The following UBXN7 variants were observed in gnomAD, a reference collection of about 807,000 sequenced individuals.
The protein encoded by UBXN7 is UBX domain-containing protein 7.
Under a neutral mutation model 58.0 loss-of-function variants are expected in UBXN7, and 9 were observed. The ratio of observed to expected loss-of-function variants is 0.16; its 90% confidence interval spans 0.09 to 0.27. UBXN7 has a LOEUF of 0.27. Ranked by LOEUF, UBXN7 falls within the 10% of genes least tolerant of loss-of-function variation. The pLI, the probability that UBXN7 is intolerant of heterozygous loss-of-function variation, is 1.00. For synonymous variants in UBXN7, 208 were observed against 205.0 expected (o/e 1.01, Z -0.12); for missense variants, 328 against 599.6 (o/e 0.55, Z 4.73).
intron 5 of UBXN7, among the ~76,000 whole-genome samples, chr3:196,377,480 G>A (rs893296479): frequency 3.3e-5 from 5 of 152,152 alleles, no homozygotes; most frequent in African/African-American, 1.2e-4. Flanking sequence ...AAACATATGT[G>A]GAACCTACGA....
chr3:196,358,569 C>T (rs1728415740), intron 10 of UBXN7, among the ~76,000 whole-genome samples: 1 of 152,124 alleles, frequency 6.6e-6, no homozygotes, highest in Non-Finnish European at 1.5e-5. Context: ...GAACCCTTCT[C>T]TACAAAAAAG....
At chr3:196,418,638 GC>G (rs1033495079) in intron 1 of UBXN7, among the ~76,000 whole-genome samples, 3 of 152,340 alleles carry the variant, frequency 2.0e-5, no homozygotes, top group African/African-American at 7.2e-5. Context: ...TGACTGAGAA[GC>G]ACTGAGAGGT....
chr3:196,367,366 TTAAG>T (rs565549487), intron 8 of UBXN7, among the ~76,000 whole-genome samples: 9 of 152,088 alleles, frequency 5.9e-5, no homozygotes, highest in Non-Finnish European at 1.0e-4. Flanking sequence ...ATTCTAGAAA[TTAAG>T]TATAGAAGTA....
At chr3:196,370,857 C>CAAAAAA in intron 6 of UBXN7, among the ~76,000 whole-genome samples, 1 of 86,336 alleles carries the variant, frequency 1.2e-5, no homozygotes, top group Non-Finnish European at 2.3e-5. Context: ...CCCATCTCTA[C>CAAAAAA]AAAAAAAAAA....
intron 3 of UBXN7, among the ~76,000 whole-genome samples, chr3:196,396,215 T>TCAA (rs1729765398): frequency 6.6e-6 from 1 of 150,586 alleles, no homozygotes; most frequent in South Asian, 2.1e-4. Flanking sequence ...CTATTTCAAA[T>TCAA]GTACATGGCC....
chr3:196,376,078 C>T (rs1354793599), intron 5 of UBXN7, among the ~76,000 whole-genome samples: 1 of 152,038 alleles, frequency 6.6e-6, no homozygotes, highest in Non-Finnish European at 1.5e-5. Flanking sequence ...TAATATGTTT[C>T]AGTAAGTATA....
intron 1 of UBXN7, among the ~76,000 whole-genome samples, chr3:196,418,925 C>G (rs1385016832): frequency 2.0e-5 from 3 of 152,168 alleles, no homozygotes; most frequent in African/African-American, 4.8e-5. Flanking sequence ...ATGCGAGAAC[C>G]TAACCTTTAG....
At chr3:196,417,724 T>TAAAAAA (rs749981900) in intron 1 of UBXN7, among the ~76,000 whole-genome samples, 1 of 31,652 alleles carries the variant, frequency 3.2e-5, no homozygotes, top group African/African-American at 1.2e-4. Flanking sequence ...GCAAAATGGT[T>TAAAAAA]AAAAAAAAAA....
chr3:196,371,773 G>T, intron 6 of UBXN7, 123 bp downstream of exon 6: 1 of 1,252,336 alleles, frequency 8.0e-7, no homozygotes, highest in Non-Finnish European at 1.1e-6. Context: ...GTGAGCTACT[G>T]CCCCCAGCCG....
At chr3:196,372,151 C>T (rs1170374204) in intron 5 of UBXN7, 109 bp from the exon 6 acceptor site, 3 of 1,219,150 alleles carry the variant, frequency 2.5e-6, no homozygotes, top group Non-Finnish European at 3.3e-6. Flanking sequence ...TAAGTTTTTG[C>T]CAGATACGAC....
intron 3 of UBXN7, among the ~76,000 whole-genome samples, chr3:196,396,818 G>C (rs565807133): frequency 1.3e-5 from 2 of 152,080 alleles, no homozygotes; most frequent in Non-Finnish European, 2.9e-5. Context: ...AGCTGCCTAA[G>C]AAAGTATATT....
intron 3 of UBXN7, among the ~76,000 whole-genome samples, chr3:196,395,655 A>G (rs1032313758): frequency 2.0e-5 from 3 of 151,958 alleles, no homozygotes; most frequent in Non-Finnish European, 2.9e-5. Flanking sequence ...CGGGCATGTC[A>G]CTATATCGCC....
chr3:196,358,409 T>G (rs1055073549), intron 10 of UBXN7, among the ~76,000 whole-genome samples: 1 of 152,182 alleles, frequency 6.6e-6, no homozygotes, highest in African/African-American at 2.4e-5. Context: ...CTTACGTGGC[T>G]TACCTAATTT....
At chr3:196,396,824 A>AT (rs1474186369) in intron 3 of UBXN7, among the ~76,000 whole-genome samples, 2 of 152,138 alleles carry the variant, frequency 1.3e-5, no homozygotes, top group African/African-American at 2.4e-5. Context: ...CTAAGAAAGT[A>AT]TATTATTTTA....
At chr3:196,413,805 T>C (rs144716623) in intron 1 of UBXN7, among the ~76,000 whole-genome samples, 1 of 152,296 alleles carries the variant, frequency 6.6e-6, no homozygotes, top group African/African-American at 2.4e-5. Flanking sequence ...AATTTGAGAA[T>C]GCTCAAGTTC....
intron 3 of UBXN7, among the ~76,000 whole-genome samples, chr3:196,402,102 A>C (rs1730013925): frequency 6.6e-6 from 1 of 152,192 alleles, no homozygotes; most frequent in Non-Finnish European, 1.5e-5. Flanking sequence ...GCTCACTGCA[A>C]CCTCAGCCTC....
At position 196,352,349 on chromosome 3, in the gene UBXN7, G is replaced by C. The variant is rs1251863620; in HGVS notation, c.*4336C>G. 1.3e-5 allele frequency: 2 copies of C among 152,230 alleles called. No individual in the cohort carries two copies. The highest frequency in any genetic ancestry group is 4.8e-5 in the African/African-American group (2 of 41,414). 9.4% of individuals were successfully genotyped at this position (152,230 alleles called of 1,614,324 possible). A position where few individuals can be genotyped will look rare whatever the true frequency, so the allele number is the denominator to read the frequency against. On this transcript the variant is annotated 3_prime_UTR_variant, in exon 11 of 11. Coordinates refer to ENST00000296328, the MANE Select transcript of UBXN7 (RefSeq NM_015562.2). The surrounding 1 kb of genome is among the most constrained non-coding windows in gnomAD (Gnocchi z 4.1). The stretch of plus-strand genomic sequence containing the variant: ...TGCAACCTCCGCCTCCCAGGTTCAA[G>C]AGATTCTTGTGCCTCAGCCTCCCCA...
intron 1 of UBXN7, among the ~76,000 whole-genome samples, chr3:196,420,945 T>C (rs187920899): frequency 1.2e-3 from 175 of 151,784 alleles, no homozygotes; most frequent in Non-Finnish European, 2.1e-3. Context: ...CATCCCTCTA[T>C]AGAAATGATA....
chr3:196,388,446 A>G (rs547401347), intron 5 of UBXN7, among the ~76,000 whole-genome samples: 2 of 150,912 alleles, frequency 1.3e-5, no homozygotes, highest in Non-Finnish European at 2.9e-5. Flanking sequence ...TTAAAGTATA[A>G]TAAAAGAAAT....
Sources: allele counts gnomAD v4.1 joint callset (sites outside exome capture counted in the v4.1 genomes callset), GRCh38; gene constraint gnomAD v4.1.1; non-coding constraint Gnocchi (gnomAD v3.1); transcripts MANE v1.5; gene names NCBI Gene and HGNC (gene_info 2026-07-23, HGNC 2026-07-21).